Variants in GPC5 observed in about 807,000 individuals in gnomAD.
The protein encoded by GPC5 is glypican-5.
In GPC5, 47 loss-of-function variants were observed where a neutral mutation model predicts 53.9. That is an observed-to-expected ratio of 0.87 (90% confidence interval 0.69 to 1.11). GPC5 has a LOEUF of 1.11. Among genes scored for constraint, GPC5 ranks in the 50% most tolerant of loss-of-function variants. The probability of loss-of-function intolerance (pLI) is 0.00; values close to 1 mark genes in which losing one functional copy is unlikely to be tolerated. For synonymous variants in GPC5, 286 were observed against 263.3 expected, an observed-to-expected ratio of 1.09 and a Z score of -0.84; for missense variants, 748 against 713.1, an observed-to-expected ratio of 1.05 and a Z score of -0.56.
chr13:91,527,263 A>G (rs1886129320), intron 2 of GPC5, among the ~76,000 whole-genome samples: 3 of 152,276 alleles, frequency 2.0e-5, no homozygotes, highest in Admixed American at 2.0e-4. Context: ...CAATGAGGAT[A>G]CAGGCATTGG....
chr13:91,977,955 A>AGAAAGAAAGAAAGAAAGAAAG lies in GPC5; in HGVS notation c.1401+69898_1401+69899insGAAAGAAAGAAAGAAAGAAAG, dbSNP rs1555301807. The stretch of plus-strand genomic sequence containing the variant: ...AACGAGACCGCCATCTCTAAAAGAA[A>AGAAAGAAAGAAAGAAAGAAAG]AAAGAAAGAAAGAAAGAAAGAAAGA... On this transcript the variant is annotated intron_variant, in intron 6 of 7. Coordinates refer to ENST00000377067, the MANE Select transcript of GPC5 (RefSeq NM_004466.6). Among the ~76,000 whole-genome samples the AGAAAGAAAGAAAGAAAGAAAG allele has an allele frequency of 2.7e-4, 39 of 142,982 alleles. 2 individuals carry two copies. The highest frequency in any genetic ancestry group is 1.1e-3 in the African/African-American group (39 of 34,626). The allele number at this position is 142,982 out of a possible 152,430, so 93.8% of individuals were successfully genotyped here. A position where few individuals can be genotyped will look rare whatever the true frequency, so the allele number is the denominator to read the frequency against.
At chr13:92,363,471 A>G (rs1318059208) in intron 7 of GPC5, among the ~76,000 whole-genome samples, 1 of 151,718 alleles carries the variant, frequency 6.6e-6, no homozygotes, top group Non-Finnish European at 1.5e-5. Context: ...TCTCATAAGG[A>G]GTACACAACC....
At chr13:92,055,782 A>T (rs1474615747) in intron 6 of GPC5, among the ~76,000 whole-genome samples, 1 of 152,192 alleles carries the variant, frequency 6.6e-6, no homozygotes, top group East Asian at 1.9e-4. Context: ...CTAAAATCTT[A>T]AAGTAGATTA....
rs547740490 is a variant in GPC5, at chr13:91,731,350, G to T, written c.1154+2685G>T. On this transcript the variant is annotated intron_variant, in intron 4 of 7. Transcript: ENST00000377067. ...AGGCGAGGTAAGTAGCGAGGTGTTA[G>T]GAATCATCACCACTGTGTTTTTCAT... Among the ~76,000 whole-genome samples the T allele has an allele frequency of 2.0e-5, 3 of 152,228 alleles. No individual in the cohort carries two copies. The South Asian group carries it at 6.2e-4, about 32-fold the overall frequency.
In GPC5 at chr13:91,907,503, T is replaced by TTATATATATATATA. The variant is rs369447673; in HGVS notation, c.1281-425_1281-412dup. On this transcript the variant is annotated intron_variant, in intron 5 of 7. Transcript: ENST00000377067. ...GGCTACTCTCTCTCTCTCTCTCTCTTTATATATATATATATATATATAGTA... is the reference window on the plus strand; with the variant it reads ...GGCTACTCTCTCTCTCTCTCTCTCTTTATATATATATATATATATATATATATATATATATAGTA... 3.0e-3 allele frequency among the ~76,000 whole-genome samples: 391 copies of TTATATATATATATA among 129,500 alleles called. 5 individuals are homozygous for TTATATATATATATA. Among genetic ancestry groups the TTATATATATATATA allele is most frequent in the African/African-American group, 8.3e-3 (280 of 33,840 alleles). 85.0% of individuals were successfully genotyped at this position (129,500 alleles called of 152,430 possible).
chr13:92,585,186 T>C (rs1432104300), intron 7 of GPC5, among the ~76,000 whole-genome samples: 2 of 151,990 alleles, frequency 1.3e-5, no homozygotes, highest in Non-Finnish European at 2.9e-5. Context: ...GCTTGTACCA[T>C]GCGCCTGGAA....
intron 5 of GPC5, among the ~76,000 whole-genome samples, chr13:91,763,791 A>G (rs1455064509): frequency 1.3e-5 from 2 of 152,150 alleles, no homozygotes; most frequent in African/African-American, 2.4e-5. Context: ...GTTTGGGTCT[A>G]TAACAAATAT....
chr13:92,655,260 A>G (rs1460517008), intron 7 of GPC5, among the ~76,000 whole-genome samples: 2 of 151,810 alleles, frequency 1.3e-5, no homozygotes, highest in Non-Finnish European at 2.9e-5. Flanking sequence ...ACCGGCAAAC[A>G]TTTTTTGTAA....
In GPC5 at chr13:92,365,507, C is replaced by A. The variant is rs568469984; in HGVS notation, c.1561+220518C>A. On this transcript the variant is annotated intron_variant, in intron 7 of 7. Transcript: ENST00000377067. ...ATAAATTACCCTTAGTTTACTCTAC[C>A]ATTTTTACTTTCTAAACTTTTAATT... Among the ~76,000 whole-genome samples, 25 of 151,658 alleles carry A rather than the reference C, an allele frequency of 1.6e-4. No individual in the cohort carries two copies. In the South Asian group the frequency reaches 3.7e-3, roughly 23 times the overall value.
chr13:92,533,208 T>G (rs943904630), intron 7 of GPC5, among the ~76,000 whole-genome samples: 3 of 152,180 alleles, frequency 2.0e-5, no homozygotes, highest in African/African-American at 7.2e-5. Context: ...AAAATATGTA[T>G]GGTGAAAATA....
At chr13:91,446,254 T>C (rs1253470668) in intron 1 of GPC5, among the ~76,000 whole-genome samples, 1 of 152,196 alleles carries the variant, frequency 6.6e-6, no homozygotes, top group Non-Finnish European at 1.5e-5. Context: ...TAGATATCTG[T>C]AAATTTCTTA....
At chr13:91,845,883 A>G (rs953444953) in intron 5 of GPC5, among the ~76,000 whole-genome samples, 1 of 152,092 alleles carries the variant, frequency 6.6e-6, no homozygotes, top group African/African-American at 2.4e-5. Flanking sequence ...AAATTACCTA[A>G]GCTTTTGTTT....
At chr13:92,404,743 G>A (rs2139341138) in intron 7 of GPC5, among the ~76,000 whole-genome samples, 1 of 149,790 alleles carries the variant, frequency 6.7e-6, no homozygotes, top group South Asian at 2.1e-4. Flanking sequence ...CTTTGACAGA[G>A]TCCAGTGTTT....
chr13:91,888,291 AC>A (rs1356883658), intron 5 of GPC5, among the ~76,000 whole-genome samples: 1 of 151,986 alleles, frequency 6.6e-6, no homozygotes, highest in East Asian at 1.9e-4. Context: ...TGATTCAATT[AC>A]CTCCTACTGG....
At chr13:91,963,570 T>C (rs1002251849) in intron 6 of GPC5, among the ~76,000 whole-genome samples, 1 of 150,992 alleles carries the variant, frequency 6.6e-6, no homozygotes, top group African/African-American at 2.4e-5. Flanking sequence ...AGAGACACAT[T>C]ATGGAATACT....
intron 5 of GPC5, among the ~76,000 whole-genome samples, chr13:91,828,738 C>T (rs1204990891): frequency 6.6e-6 from 1 of 151,848 alleles, no homozygotes; most frequent in Non-Finnish European, 1.5e-5. Context: ...TTAGTAAATA[C>T]AGTAGAAGAT....
intron 4 of GPC5, among the ~76,000 whole-genome samples, chr13:91,742,589 G>A (rs1400635536): frequency 6.6e-6 from 1 of 152,180 alleles, no homozygotes; most frequent in Non-Finnish European, 1.5e-5. Context: ...GGTCTTGGAT[G>A]TGGCTACGTG....
intron 2 of GPC5, among the ~76,000 whole-genome samples, chr13:91,485,141 G>T (rs919790364): frequency 3.3e-5 from 5 of 151,608 alleles, no homozygotes; most frequent in African/African-American, 1.2e-4. Context: ...CACTGTTCTA[G>T]ATCACATATA....
At chr13:92,110,412 C>T (rs2041547790) in intron 6 of GPC5, among the ~76,000 whole-genome samples, 1 of 152,112 alleles carries the variant, frequency 6.6e-6, no homozygotes, top group African/African-American at 2.4e-5. Flanking sequence ...TGAAATGGCC[C>T]TTCTGCAGCT....
Sources: gnomAD v4.1 joint callset for allele counts (sites outside exome capture counted in the v4.1 genomes callset) on GRCh38, gnomAD v4.1.1 for gene constraint, MANE v1.5 for transcripts, NCBI Gene and HGNC (gene_info 2026-07-23, HGNC 2026-07-21) for gene names.